FANCA: variants seen among roughly 807,000 people sequenced by gnomAD.
FANCA encodes FA complementation group A, also known as Fanconi anemia group A protein.
A neutral mutation model predicts 194.3 loss-of-function variants in FANCA; 236 were observed. The ratio of observed to expected loss-of-function variants is 1.21; its 90% CI spans 1.09 to 1.35. The LOEUF (loss-of-function observed/expected upper bound fraction) is 1.35, where lower values mean the gene tolerates loss of function less well. Among genes scored for constraint, FANCA ranks in the 40% most tolerant of loss-of-function variants. The probability of loss-of-function intolerance (pLI) is 0.00; values close to 1 mark genes in which losing one functional copy is unlikely to be tolerated. For missense variants in FANCA, 2,628 were observed against 1,813.9 expected (o/e 1.45, Z -8.15); for synonymous variants, 1,014 against 715.8 (o/e 1.42, Z -6.65).
At chr16:89,777,007 A>G (rs1344779793) in intron 20 of FANCA, among the ~76,000 whole-genome samples, 2 of 151,738 alleles carry the variant, frequency 1.3e-5, no homozygotes, top group Non-Finnish European at 2.9e-5. Flanking sequence ...AGGCCAAGAG[A>G]GAGAGAAGCC....
At chr16:89,778,401 G>C (rs527962881) in intron 20 of FANCA, 2 of 360,918 alleles carry the variant, frequency 5.5e-6, no homozygotes, top group South Asian at 4.1e-5. Flanking sequence ...AGGAGGCAGA[G>C]CTTGCAGTGA....
At chr16:89,796,276 C>T (rs1357508843) in intron 10 of FANCA, among the ~76,000 whole-genome samples, 2 of 152,138 alleles carry the variant, frequency 1.3e-5, no homozygotes, top group Admixed American at 1.3e-4. Flanking sequence ...GAAGGGCAGG[C>T]CGCGCCACAC....
chr16:89,816,598 G>C lies in FANCA; in HGVS notation c.18C>G (p.Val6=), dbSNP rs916719756. 6.5e-7 allele frequency: 1 copy of C among 1,526,908 alleles called. No homozygotes were observed. The highest frequency in any genetic ancestry group is 8.7e-7 in the Non-Finnish European group (1 of 1,145,152). The allele number at this position is 1,526,908 out of a possible 1,614,324, so 94.6% of individuals were successfully genotyped here. Residue 6 remains valine (V), a synonymous_variant, in exon 1 of 43, where the codon GTC becomes GTG. Transcript: ENST00000389301. MSDSW[V]PNSASGQDPG... ...GGTCCTGGCCCGAGGCGGAGTTCGG[G>C]ACCCACGAGTCGGACATGGCCTTGG...
chr16:89,770,719 A>G (rs1312018056), intron 23 of FANCA, 85 bp from the exon 24 acceptor site: 14 of 1,199,252 alleles, frequency 1.2e-5, no homozygotes, highest in African/African-American at 1.5e-5. Flanking sequence ...CGCCACAGAC[A>G]TCGCAATTCT....
chr16:89,815,288 C>T (rs529413959), intron 2 of FANCA, among the ~76,000 whole-genome samples: 3 of 147,454 alleles, frequency 2.0e-5, no homozygotes, highest in South Asian at 4.5e-4. Context: ...CTACCCACTT[C>T]GGCCTCCCAA....
rs376071165 is a variant in FANCA, at chr16:89,816,037, G to A, written c.80-51C>T. ...CATCACAGCACAATTCACACACGGG[G>A]TCCCCGGCCCGACGCGCAGGTGGAC... On this transcript the variant is annotated intron_variant, in intron 1 of 42. Transcript: ENST00000389301. 2.8e-5 allele frequency: 40 copies of A among 1,434,270 alleles called. No homozygotes were observed. In the African/African-American group the frequency reaches 4.2e-4, roughly 15 times the overall value. The allele number at this position is 1,434,270 out of a possible 1,614,324, so 88.8% of individuals were successfully genotyped here.
chr16:89,787,666 G>T (rs1030513321), intron 14 of FANCA, among the ~76,000 whole-genome samples: 2 of 151,922 alleles, frequency 1.3e-5, no homozygotes, highest in Admixed American at 6.6e-5. Flanking sequence ...AGCCTGGAAG[G>T]TTGAGACTGC....
intron 20 of FANCA, among the ~76,000 whole-genome samples, chr16:89,777,890 G>A (rs765526247): frequency 8.6e-5 from 13 of 151,908 alleles, no homozygotes; most frequent in Non-Finnish European, 1.3e-4. Context: ...AGCCGGGTGC[G>A]GTAGCTCACG....
At chr16:89,799,477 G>C (rs1465172449) in intron 9 of FANCA, 128 bp downstream of exon 9, 1 of 1,046,286 alleles carries the variant, frequency 9.6e-7, no homozygotes, top group Non-Finnish European at 1.5e-6. Context: ...GGGCATTCCA[G>C]TACCAGGACT....
intron 20 of FANCA, among the ~76,000 whole-genome samples, chr16:89,777,011 A>G (rs1303597875): frequency 6.6e-6 from 1 of 152,092 alleles, no homozygotes; most frequent in African/African-American, 2.4e-5. Flanking sequence ...CAAGAGAGAG[A>G]GAAGCCTGGG....
chr16:89,796,436 GC>G (rs534076237), intron 10 of FANCA, among the ~76,000 whole-genome samples: 3 of 152,178 alleles, frequency 2.0e-5, no homozygotes, highest in Non-Finnish European at 4.4e-5. Context: ...TGAGAGAAGA[GC>G]CCAGCACACC....
chr16:89,807,869 C>G (rs917933253), intron 6 of FANCA, among the ~76,000 whole-genome samples: 1 of 151,786 alleles, frequency 6.6e-6, no homozygotes, highest in Non-Finnish European at 1.5e-5. Context: ...GGTGACAGAA[C>G]GAGACTCTGT....
At chr16:89,741,198 G>A (rs1254098856) in intron 37 of FANCA, among the ~76,000 whole-genome samples, 2 of 152,332 alleles carry the variant, frequency 1.3e-5, no homozygotes, top group East Asian at 1.9e-4. Flanking sequence ...CCTGTCAGAA[G>A]TGTTTGTAAA....
At chr16:89,738,764 G>A (rs2062034837) in intron 42 of FANCA, 56 bp from the exon 43 acceptor site, 1 of 1,612,578 alleles carries the variant, frequency 6.2e-7, no homozygotes, top group Non-Finnish European at 8.5e-7. Context: ...TCAGACCACA[G>A]GGGAGGGGCT....
chr16:89,754,612 G>A (rs546430881), intron 30 of FANCA, among the ~76,000 whole-genome samples: 5 of 152,050 alleles, frequency 3.3e-5, no homozygotes, highest in Admixed American at 6.5e-5. Context: ...CTCATGATCC[G>A]CCCACTTCAC....
intron 7 of FANCA, 62 bp from the exon 8 acceptor site, chr16:89,803,403 G>T: frequency 1.4e-6 from 2 of 1,449,982 alleles, no homozygotes; most frequent in Non-Finnish European, 1.9e-6. Context: ...ACTGTGAATG[G>T]CACAGACCAT....
In FANCA at chr16:89,740,021, G is replaced by T; in HGVS notation, c.3907C>A (p.Leu1303Met). ...CTCTCTGTCAACTGAAAGAGTGCCAGCCAGGATATCTTCCTCTTCTCTAAA... is the reference window on the plus strand; with the variant it reads ...CTCTCTGTCAACTGAAAGAGTGCCATCCAGGATATCTTCCTCTTCTCTAAA... Reference protein sequence around the residue: ...ECLEKRKISWLALFQLTESDL... With the variant: ...ECLEKRKISWMALFQLTESDL... Residue 1303 changes from leucine to methionine, a missense_variant, in exon 39 of 43, where the codon CTG (leucine) becomes ATG (methionine). Leu to Met is a conservative substitution (Grantham distance 15). Transcript: ENST00000389301. 1 of 1,614,178 alleles carries T rather than the reference G, an allele frequency of 6.2e-7. No homozygotes were observed. Among genetic ancestry groups the T allele is most frequent in the Middle Eastern group, 1.6e-4 (1 of 6,062 alleles).
At chr16:89,813,732 C>G (rs138343149) in intron 3 of FANCA, among the ~76,000 whole-genome samples, 2,422 of 152,100 alleles carry the variant, frequency 0.016, 43 homozygotes, top group Non-Finnish European at 0.02. Flanking sequence ...TGTGCCAGGC[C>G]AACAATGCCA....
intron 11 of FANCA, chr16:89,792,850 G>C: frequency 2.6e-6 from 1 of 379,950 alleles, no homozygotes; most frequent in South Asian, 2.1e-5. Context: ...GTAAGGTCAC[G>C]TGTCCACTGG....
Sources: allele counts gnomAD v4.1 joint callset (sites outside exome capture counted in the v4.1 genomes callset), GRCh38; gene constraint gnomAD v4.1.1; transcripts MANE v1.5; gene names NCBI Gene and HGNC (gene_info 2026-07-23, HGNC 2026-07-21).